Variants in DLG2 observed in about 807,000 individuals in gnomAD.
DLG2 encodes disks large homolog 2.
DLG2 carries 45 observed loss-of-function variants against 132.5 expected under a neutral mutation model. That is an observed-to-expected ratio of 0.34 (90% CI 0.27 to 0.44). The LOEUF is 0.44. Among genes scored for constraint, DLG2 ranks in the 20% least tolerant of loss-of-function variants. The probability of loss-of-function intolerance (pLI) is 1.00; values close to 1 mark genes in which losing one functional copy is unlikely to be tolerated. For missense variants in DLG2, 1,045 were observed against 1,196.9 expected (o/e 0.87, Z 1.87); for synonymous variants, 424 against 419.6 (o/e 1.01, Z -0.13).
At chr11:84,492,891 C>G (rs1234959848) in intron 7 of DLG2, among the ~76,000 whole-genome samples, 1 of 151,980 alleles carries the variant, frequency 6.6e-6, no homozygotes, top group African/African-American at 2.4e-5. Context: ...ATATAATTCC[C>G]AGGGGATACC....
At chr11:84,023,429 A>G (rs17146588) in intron 11 of DLG2, among the ~76,000 whole-genome samples, 5,038 of 152,282 alleles carry the variant, frequency 0.033, 229 homozygotes, top group East Asian at 0.14. Context: ...AAAGCTTGAT[A>G]ATATTTAAAG....
intron 3 of DLG2, among the ~76,000 whole-genome samples, chr11:85,496,482 G>C (rs1315250153): frequency 1.3e-5 from 2 of 152,180 alleles, no homozygotes; most frequent in East Asian, 3.9e-4. Context: ...TTCCACCTCT[G>C]GGGACAGGGC....
chr11:84,022,745 G>C (rs1232705434), intron 11 of DLG2, among the ~76,000 whole-genome samples: 1 of 152,068 alleles, frequency 6.6e-6, no homozygotes, highest in Non-Finnish European at 1.5e-5. Context: ...TTTTTGGGGG[G>C]AGTAGGGTGG....
intron 4 of DLG2, among the ~76,000 whole-genome samples, chr11:85,169,154 A>C (rs2078667114): frequency 1.3e-5 from 2 of 152,162 alleles, no homozygotes; most frequent in African/African-American, 2.4e-5. Flanking sequence ...CGCTATAAAA[A>C]TAGTTGTTGT....
At chr11:84,054,316 C>A (rs1190117725) in intron 11 of DLG2, among the ~76,000 whole-genome samples, 1 of 151,992 alleles carries the variant, frequency 6.6e-6, no homozygotes, top group Non-Finnish European at 1.5e-5. Flanking sequence ...CACTAGGAAG[C>A]CTTTTACAGT....
chr11:85,164,518 C>T (rs943208863), intron 4 of DLG2, among the ~76,000 whole-genome samples: 3 of 152,144 alleles, frequency 2.0e-5, no homozygotes, highest in African/African-American at 7.2e-5. Context: ...GTCAATTATG[C>T]TCTCATAGAA....
At chr11:84,895,608 C>T (rs1242709082) in intron 6 of DLG2, among the ~76,000 whole-genome samples, 1 of 152,068 alleles carries the variant, frequency 6.6e-6, no homozygotes, top group Non-Finnish European at 1.5e-5. Context: ...GAGAAGCACA[C>T]CAGTACCAAA....
rs182076607 is a variant in DLG2, at chr11:84,279,462, A to G, written c.520-28171T>C. On this transcript the variant is annotated intron_variant, in intron 7 of 27. Coordinates refer to ENST00000376104, the MANE Select transcript of DLG2 (RefSeq NM_001142699.3). ...ACCCAGCAATCCCATTACTCGGTAT[A>G]TACCCAAAGGATTATAAGTCATTCT... Among the ~76,000 whole-genome samples, 266 of 152,322 alleles carry G rather than the reference A, an allele frequency of 1.7e-3. 2 individuals are homozygous for G. The highest frequency in any genetic ancestry group is 0.016 in the Admixed American group (238 of 15,292).
intron 6 of DLG2, among the ~76,000 whole-genome samples, chr11:84,879,823 CAA>C (rs1334286301): frequency 2.0e-5 from 3 of 152,066 alleles, no homozygotes; most frequent in Non-Finnish European, 1.5e-5. Flanking sequence ...ACATTTTGAT[CAA>C]AGTGTAAAAG....
chr11:84,148,807 G>A (rs2095185704), intron 9 of DLG2, among the ~76,000 whole-genome samples: 1 of 152,062 alleles, frequency 6.6e-6, no homozygotes, highest in Admixed American at 6.6e-5. Context: ...GCTCTTCACG[G>A]TGGCTGAAGT....
intron 7 of DLG2, among the ~76,000 whole-genome samples, chr11:84,280,179 C>T (rs1205055344): frequency 6.6e-6 from 1 of 152,084 alleles, no homozygotes; most frequent in African/African-American, 2.4e-5. Flanking sequence ...GGTTGTAGAA[C>T]ACAAGATTAA....
In DLG2 at chr11:85,021,572, C is replaced by A. The variant is rs145648352; in HGVS notation, c.357+90089G>T. On this transcript the variant is annotated intron_variant, in intron 6 of 27. Transcript: ENST00000376104. ...ATTGCCTCCACATCAGATTTCTTGA[C>A]CACAAGAGTGTTGAGATTCCCAGTG... is the stretch of plus-strand genomic sequence containing the variant. 225 of 1,584,498 alleles carry A rather than the reference C, an allele frequency of 1.4e-4. No individual in the cohort carries two copies. In the East Asian group the frequency reaches 4.4e-3, roughly 31 times the overall value.
At chr11:83,994,634 G>T (rs1201472277) in intron 11 of DLG2, among the ~76,000 whole-genome samples, 1 of 151,982 alleles carries the variant, frequency 6.6e-6, no homozygotes, top group Non-Finnish European at 1.5e-5. Flanking sequence ...AAGGGATCGG[G>T]GTAAAATAAT....
chr11:84,599,644 G>C (rs1298399143), intron 6 of DLG2, among the ~76,000 whole-genome samples: 2 of 152,138 alleles, frequency 1.3e-5, no homozygotes, highest in Non-Finnish European at 2.9e-5. Context: ...GCTTTTACCA[G>C]AGCTGTGTTT....
At chr11:83,598,460 G>C (rs1025299012) in intron 19 of DLG2, among the ~76,000 whole-genome samples, 2 of 152,222 alleles carry the variant, frequency 1.3e-5, no homozygotes, top group Non-Finnish European at 2.9e-5. Context: ...GTAGTAGAAA[G>C]AGTCTGGATT....
In DLG2 at chr11:85,381,996, A is replaced by C. The variant is rs149674703; in HGVS notation, c.41-96631T>G. Among the ~76,000 whole-genome samples the C allele has an allele frequency of 2.0e-5, 3 of 152,294 alleles. No homozygotes were observed. The East Asian group carries it at 5.8e-4, about 29-fold the overall frequency. On this transcript the variant is annotated intron_variant, in intron 3 of 27. Coordinates refer to ENST00000376104, the MANE Select transcript of DLG2 (RefSeq NM_001142699.3). ...TAACACCCTGAAAACAAAAAATCTC[A>C]GATGACTTTTTTCTAGACATTGACA...
At chr11:83,995,521 T>C (rs1272872248) in intron 11 of DLG2, among the ~76,000 whole-genome samples, 2 of 151,936 alleles carry the variant, frequency 1.3e-5, no homozygotes, top group African/African-American at 2.4e-5. Flanking sequence ...CATCAAGCTA[T>C]CCTAAGAAAA....
At chr11:83,839,459 T>G (rs980090523) in intron 16 of DLG2, among the ~76,000 whole-genome samples, 1 of 152,210 alleles carries the variant, frequency 6.6e-6, no homozygotes, top group Non-Finnish European at 1.5e-5. Context: ...TATATTTTCC[T>G]GTTAGAGGAT....
At chr11:84,774,062 G>T (rs1321379432) in intron 6 of DLG2, among the ~76,000 whole-genome samples, 2 of 151,954 alleles carry the variant, frequency 1.3e-5, no homozygotes, top group East Asian at 3.9e-4. Context: ...AAGACTCTTG[G>T]AACTGATAAA....
Sources: allele counts gnomAD v4.1 joint callset (sites outside exome capture counted in the v4.1 genomes callset), GRCh38; gene constraint gnomAD v4.1.1; transcripts MANE v1.5; gene names NCBI Gene and HGNC (gene_info 2026-07-23, HGNC 2026-07-21).